SIPA1L3: variants seen among roughly 807,000 people sequenced by gnomAD.
The protein encoded by SIPA1L3 is signal-induced proliferation-associated 1-like protein 3.
A neutral mutation model predicts 150.1 loss-of-function variants in SIPA1L3; 59 were observed. The ratio of observed to expected loss-of-function variants is 0.39; its 90% CI spans 0.32 to 0.49. The LOEUF is 0.49. Ranked by LOEUF, SIPA1L3 falls within the 20% of genes least tolerant of loss-of-function variation. The probability of loss-of-function intolerance (pLI) is 0.86; values close to 1 mark genes in which losing one functional copy is unlikely to be tolerated. For synonymous variants in SIPA1L3, 1,070 were observed against 1,077.6 expected (o/e 0.99, Z 0.14); for missense variants, 2,211 against 2,489.5 (o/e 0.89, Z 2.38).
intron 3 of SIPA1L3, 118 bp downstream of exon 3, chr19:38,083,217 A>G (rs983196175): frequency 9.3e-7 from 1 of 1,073,110 alleles, no homozygotes; most frequent in Non-Finnish European, 1.3e-6. Context: ...ATGTGGCGGG[A>G]ACAGAGACCT....
rs779245952 is a variant in SIPA1L3, at chr19:38,081,555, G to A, written c.-11G>A. On this transcript the variant is annotated 5_prime_UTR_variant, in exon 3 of 22. Transcript: ENST00000222345. ...CGTACGGGGCCAGCAGCACTCCAGT[G>A]CCCGTGGACTATGACCACCTATCGG... is the stretch of plus-strand genomic sequence containing the variant. 1.9e-6 allele frequency: 3 copies of A among 1,565,756 alleles called. No homozygotes were observed. The South Asian group carries it at 3.5e-5, about 18-fold the overall frequency.
chr19:38,141,788 T>A (rs12460188), intron 11 of SIPA1L3, among the ~76,000 whole-genome samples: 2 of 151,908 alleles, frequency 1.3e-5, no homozygotes, highest in Admixed American at 6.6e-5. Flanking sequence ...TTAGAGAGCT[T>A]GGGCAACATA....
At chr19:38,155,049 C>T (rs1287469913) in intron 13 of SIPA1L3, among the ~76,000 whole-genome samples, 1 of 152,148 alleles carries the variant, frequency 6.6e-6, no homozygotes, top group African/African-American at 2.4e-5. Flanking sequence ...GTGTGAGCCA[C>T]CACACAGGGC....
At chr19:37,923,262 G>C (rs1344147894) in intron 1 of SIPA1L3, among the ~76,000 whole-genome samples, 3 of 152,218 alleles carry the variant, frequency 2.0e-5, no homozygotes, top group African/African-American at 7.2e-5. Context: ...GCTGTGTTCT[G>C]AGAAATGTGT....
chr19:38,121,510 G>T (rs1455230856), intron 9 of SIPA1L3, among the ~76,000 whole-genome samples: 2 of 151,818 alleles, frequency 1.3e-5, no homozygotes, highest in Non-Finnish European at 2.9e-5. Context: ...GGAGGCCGAG[G>T]TGGGCAGATC....
chr19:38,020,098 C>T (rs138743243), intron 1 of SIPA1L3, among the ~76,000 whole-genome samples: 17 of 151,722 alleles, frequency 1.1e-4, no homozygotes, highest in South Asian at 6.2e-4. Flanking sequence ...GTCTCTCTCT[C>T]TCTATATATA....
chr19:38,188,920 C>CA lies in SIPA1L3; in HGVS notation c.4431-3210dup, dbSNP rs57796150. Reference sequence around the variant, plus strand: ...CCTGGGAGACAGCGAGACTCCGTCTCAAAAAAAAAAAAAAAGTAAGCCTCT... The same window carrying CA: ...CCTGGGAGACAGCGAGACTCCGTCTCAAAAAAAAAAAAAAAAGTAAGCCTCT... On this transcript the variant is annotated intron_variant, in intron 16 of 21. Coordinates refer to ENST00000222345, the MANE Select transcript of SIPA1L3 (RefSeq NM_015073.3). Among the ~76,000 whole-genome samples the CA allele has an allele frequency of 1.4e-3, 175 of 128,276 alleles. 1 individual carries two copies. Among genetic ancestry groups the CA allele is most frequent in the Middle Eastern group, 0.012 (3 of 248 alleles). The allele number at this position is 128,276 out of a possible 152,430, so 84.2% of individuals were successfully genotyped here. A position where few individuals can be genotyped will look rare whatever the true frequency, so the allele number is the denominator to read the frequency against.
chr19:38,011,451 G>A (rs1053650838), intron 1 of SIPA1L3, among the ~76,000 whole-genome samples: 2 of 152,142 alleles, frequency 1.3e-5, no homozygotes, highest in South Asian at 2.1e-4. Flanking sequence ...ACTCCAGCCC[G>A]AACAGTGGAG....
chr19:38,050,508 C>T (rs1969168402), intron 2 of SIPA1L3, among the ~76,000 whole-genome samples: 1 of 152,170 alleles, frequency 6.6e-6, no homozygotes. Context: ...GATCTGAAAG[C>T]ATTAGCAATT....
intron 2 of SIPA1L3, among the ~76,000 whole-genome samples, chr19:38,068,420 T>C (rs1599996259): frequency 6.6e-6 from 1 of 152,296 alleles, no homozygotes; most frequent in East Asian, 1.9e-4. Context: ...ACAGTCAGCG[T>C]CATTCACGTA....
At chr19:37,978,519 G>A (rs1415861036) in intron 1 of SIPA1L3, among the ~76,000 whole-genome samples, 1 of 152,212 alleles carries the variant, frequency 6.6e-6, no homozygotes, top group African/African-American at 2.4e-5. Flanking sequence ...TAACTTGCCT[G>A]TTGTGTGCAC....
intron 1 of SIPA1L3, among the ~76,000 whole-genome samples, chr19:37,978,321 C>G (rs994248189): frequency 6.6e-6 from 1 of 152,200 alleles, no homozygotes; most frequent in Non-Finnish European, 1.5e-5. Flanking sequence ...TTCAGAGCCA[C>G]AGTTATGTTT....
At chr19:38,146,876 G>T (rs760213142) in intron 12 of SIPA1L3, among the ~76,000 whole-genome samples, 1 of 152,030 alleles carries the variant, frequency 6.6e-6, no homozygotes, top group Non-Finnish European at 1.5e-5. Flanking sequence ...TGAAGTGCCT[G>T]TGCGTGTCTT....
chr19:37,945,645 T>TC (rs2046703962), intron 1 of SIPA1L3, among the ~76,000 whole-genome samples: 1 of 152,044 alleles, frequency 6.6e-6, no homozygotes, highest in Non-Finnish European at 1.5e-5. Flanking sequence ...GCTTAAGAGA[T>TC]CCCCCCGTGT....
intron 4 of SIPA1L3, among the ~76,000 whole-genome samples, chr19:38,091,416 A>T (rs1394482602): frequency 6.6e-6 from 1 of 152,158 alleles, no homozygotes; most frequent in East Asian, 1.9e-4. Context: ...ATGTATATAT[A>T]AAATATTTAT....
At position 37,998,979 on chromosome 19, in the gene SIPA1L3, TCACACACACA is replaced by T. The variant is rs35998048; in HGVS notation, c.-378-30086_-378-30077del. ...ACAGAACAAAAACCAGCCCTATCTATCACACACACACACACACACACACACACACACACCC... is the reference window on the plus strand; with the variant it reads ...ACAGAACAAAAACCAGCCCTATCTATCACACACACACACACACACACACCC... On this transcript the variant is annotated intron_variant, in intron 1 of 21. Coordinates refer to ENST00000222345, the MANE Select transcript of SIPA1L3 (RefSeq NM_015073.3). 3.3e-4 allele frequency among the ~76,000 whole-genome samples: 48 copies of T among 146,012 alleles called. No individual in the cohort carries two copies. The South Asian group carries it at 4.0e-3, about 12-fold the overall frequency.
intron 15 of SIPA1L3, among the ~76,000 whole-genome samples, chr19:38,180,473 G>A (rs772675245): frequency 1.1e-4 from 16 of 149,116 alleles, no homozygotes; most frequent in Non-Finnish European, 2.4e-4. Flanking sequence ...CTCTATATGC[G>A]ATGCATCATC....
chr19:38,067,002 C>T (rs1969608611), intron 2 of SIPA1L3, among the ~76,000 whole-genome samples: 1 of 151,364 alleles, frequency 6.6e-6, no homozygotes, highest in South Asian at 2.1e-4. Context: ...TTTGGGAGGC[C>T]AAGATGGGAG....
chr19:38,085,092 C>T (rs762535451), intron 3 of SIPA1L3, among the ~76,000 whole-genome samples: 2 of 152,152 alleles, frequency 1.3e-5, no homozygotes, highest in South Asian at 4.1e-4. Flanking sequence ...CCACGTGATA[C>T]GTTTTACCCT....
Sources: allele counts gnomAD v4.1 joint callset (sites outside exome capture counted in the v4.1 genomes callset), GRCh38; gene constraint gnomAD v4.1.1; transcripts MANE v1.5; gene names NCBI Gene and HGNC (gene_info 2026-07-23, HGNC 2026-07-21).